Variants in ZFPM1 observed in about 807,000 individuals in gnomAD.
ZFPM1 encodes zinc finger protein, FOG family member 1, also known as zinc finger protein ZFPM1.
Under a neutral mutation model 46.3 loss-of-function variants are expected in ZFPM1, and 28 were observed. The ratio of observed to expected loss-of-function variants is 0.60; its 90% CI spans 0.45 to 0.83. The LOEUF (loss-of-function observed/expected upper bound fraction) is 0.83. ZFPM1 is among the 40% of genes least tolerant of loss of function. ZFPM1 has a pLI of 0.00. For missense variants in ZFPM1, 1,878 were observed against 1,432.4 expected (o/e 1.31, Z -5.02); for synonymous variants, 957 against 675.9 (o/e 1.42, Z -6.45).
rs767583803 is a variant in ZFPM1 at position 88,489,043 on chromosome 16, C to T, written c.158C>T (p.Pro53Leu). 7.4e-6 allele frequency: 12 copies of T among 1,612,646 alleles called. No homozygotes were observed. The East Asian group carries it at 8.9e-5, about 12-fold the overall frequency. ...PSPPSADVNS[P>L]PPLPPPTSPG... ...TTCCTCTCTGCAGATGTTAACTCACCCCCACCGCTGCCGCCCCCCACATCC... is the reference window on the plus strand; with the variant it reads ...TTCCTCTCTGCAGATGTTAACTCACTCCCACCGCTGCCGCCCCCCACATCC... Residue 53 changes from proline to leucine, a missense_variant, in exon 3 of 10, where the codon CCC becomes CTC. By Grantham distance (98) the Pro-to-Leu change is moderately conservative. Transcript: ENST00000319555.
rs1250090692 is a variant in ZFPM1 at position 88,533,709 on chromosome 16, T to C, written c.1751T>C (p.Ile584Thr). The change falls in exon 10 of 10, where the codon ATC (isoleucine) becomes ACC (threonine). Residue 584 changes from isoleucine to threonine, a missense_variant. Physicochemically the swap from Ile to Thr is moderately conservative, Grantham distance 89. Transcript: ENST00000319555. ...PKGATCFECE[I>T]TFSNVNNYYV... ...GGCGCTACGTGCTTCGAGTGCGAGA[T>C]CACCTTCAGCAACGTCAACAACTAC... 1 of 1,497,282 alleles carries C rather than the reference T, an allele frequency of 6.7e-7. No homozygotes were observed. Among genetic ancestry groups the C allele is most frequent in the Non-Finnish European group, 9.0e-7 (1 of 1,116,176 alleles). 92.7% of individuals were successfully genotyped at this position (1,497,282 alleles called of 1,614,324 possible).
intron 4 of ZFPM1, among the ~76,000 whole-genome samples, chr16:88,525,597 C>T (rs1297525756): frequency 6.6e-6 from 1 of 152,218 alleles, no homozygotes; most frequent in East Asian, 1.9e-4. Flanking sequence ...GCTTGGGGAC[C>T]ACCAGTGCAG....
In ZFPM1 at chr16:88,501,084, GC is replaced by G. The variant is rs1203883749; in HGVS notation, c.268+11934del. On this transcript the variant is annotated intron_variant, in intron 3 of 9. Coordinates refer to ENST00000319555, the MANE Select transcript of ZFPM1 (RefSeq NM_153813.3). ...GGAGGTAGCGGTCATGGATGCGGGGGCCCTCCCGCAGGTGCTGGTGATGATG... is the reference window on the plus strand; with the variant it reads ...GGAGGTAGCGGTCATGGATGCGGGGGCCTCCCGCAGGTGCTGGTGATGATG... Among the ~76,000 whole-genome samples the G allele has an allele frequency of 4.0e-5, 6 of 149,820 alleles. 1 individual carries two copies. The highest frequency in any genetic ancestry group is 2.0e-4 in the East Asian group (1 of 5,058).
At chr16:88,506,307 G>C (rs1006022310) in intron 3 of ZFPM1, among the ~76,000 whole-genome samples, 6 of 151,828 alleles carry the variant, frequency 4.0e-5, no homozygotes, top group African/African-American at 1.5e-4. Context: ...ACCAGGGCAG[G>C]GGGACCAGGG....
rs1287256736 is a variant in ZFPM1, at chr16:88,533,260, C to T, written c.1302C>T (p.Ala434=). The T allele has an allele frequency of 2.6e-6, 4 of 1,548,988 alleles. No homozygotes were observed. Among genetic ancestry groups the T allele is most frequent in the Admixed American group, 3.8e-5 (2 of 52,182 alleles). ...CAGGACTGGACAGAAAGGCCCTGGCCGAGGCCACCAACGGAGAGGCCAGAG... is the reference window on the plus strand; with the variant it reads ...CAGGACTGGACAGAAAGGCCCTGGCTGAGGCCACCAACGGAGAGGCCAGAG... ...PSPGLDRKAL[A]EATNGEARAE... Residue 434 remains alanine (A), a synonymous_variant, in exon 10 of 10, where the codon GCC becomes GCT. Transcript: ENST00000319555.
chr16:88,461,673 G>T (rs1907898105), intron 1 of ZFPM1, among the ~76,000 whole-genome samples: 1 of 152,182 alleles, frequency 6.6e-6, no homozygotes, highest in South Asian at 2.1e-4. Flanking sequence ...AGCCCTGAGG[G>T]TTGGACGTTA....
Position 88,532,607 on chromosome 16 carries a change from G to A in ZFPM1, c.947-7G>A, listed in dbSNP as rs1267051554. Reference sequence around the variant, plus strand: ...CGGGCACCGCTCTTACGCGCCCTGTGTTCCAGGAGAGCGGCCCTTCGTGTG... The same window carrying A: ...CGGGCACCGCTCTTACGCGCCCTGTATTCCAGGAGAGCGGCCCTTCGTGTG... On this transcript the variant is annotated splice_polypyrimidine_tract_variant and splice_region_variant and intron_variant, in intron 7 of 9. Transcript: ENST00000319555. 1.3e-6 allele frequency: 2 copies of A among 1,560,030 alleles called. No homozygotes were observed. The highest frequency in any genetic ancestry group is 1.7e-6 in the Non-Finnish European group (2 of 1,151,888).
intron 3 of ZFPM1, among the ~76,000 whole-genome samples, chr16:88,504,269 T>C (rs1417458327): frequency 1.3e-5 from 2 of 152,132 alleles, no homozygotes. Context: ...AAATATGTTC[T>C]GTGCAAACAG....
intron 1 of ZFPM1, among the ~76,000 whole-genome samples, chr16:88,478,212 G>A (rs892245381): frequency 1.3e-5 from 2 of 152,222 alleles, no homozygotes; most frequent in Non-Finnish European, 2.9e-5. Context: ...AGCCTGCCAC[G>A]ACTCTCTGGG....
rs1257063941 is a variant in ZFPM1, at chr16:88,528,410, A to AG, written c.712+175dup. On this transcript the variant is annotated intron_variant, in intron 6 of 9. Transcript: ENST00000319555. ...GGGTGGTCCCAAGTGCAGAACACATAGGGACAGGAGGGTCCCCAGAGCCCA... is the reference window on the plus strand; with the variant it reads ...GGGTGGTCCCAAGTGCAGAACACATAGGGGACAGGAGGGTCCCCAGAGCCCA... 1.7e-4 allele frequency among the ~76,000 whole-genome samples: 26 copies of AG among 152,170 alleles called. 1 individual carries two copies.
chr16:88,506,308 G>A (rs1231788596), intron 3 of ZFPM1, among the ~76,000 whole-genome samples: 1 of 151,806 alleles, frequency 6.6e-6, no homozygotes, highest in Non-Finnish European at 1.5e-5. Flanking sequence ...CCAGGGCAGG[G>A]GGACCAGGGT....
At chr16:88,521,086 GGTGGGTGGGTGGAT>G in intron 4 of ZFPM1, among the ~76,000 whole-genome samples, 1 of 111,778 alleles carries the variant, frequency 8.9e-6, no homozygotes, top group Non-Finnish European at 2.1e-5. Context: ...TGGATGATTA[GGTGGGTGGGTGGAT>G]GATGGACAGG....
intron 4 of ZFPM1, among the ~76,000 whole-genome samples, chr16:88,519,902 G>T (rs1221083503): frequency 2.6e-5 from 4 of 151,258 alleles, no homozygotes; most frequent in Non-Finnish European, 5.9e-5. Context: ...TAGGTAGATG[G>T]ATTGACGGCT....
chr16:88,460,922 C>G (rs796779847), intron 1 of ZFPM1, among the ~76,000 whole-genome samples: 2 of 27,194 alleles, frequency 7.4e-5, no homozygotes, highest in African/African-American at 2.3e-4. Flanking sequence ...GACCGAGGGG[C>G]GGGGCGGGAG....
intron 4 of ZFPM1, among the ~76,000 whole-genome samples, chr16:88,524,428 C>T (rs1052168320): frequency 2.0e-5 from 3 of 152,226 alleles, no homozygotes; most frequent in Non-Finnish European, 4.4e-5. Context: ...CCCTGCTCTG[C>T]GGCCCTGGGA....
intron 1 of ZFPM1, among the ~76,000 whole-genome samples, chr16:88,459,914 A>G (rs187054788): frequency 1.8e-3 from 271 of 150,652 alleles, no homozygotes; most frequent in African/African-American, 6.1e-3. Context: ...CAGCATGTGA[A>G]ACACACAGGG....
chr16:88,495,928 G>A (rs546415573), intron 3 of ZFPM1, among the ~76,000 whole-genome samples: 2 of 152,330 alleles, frequency 1.3e-5, no homozygotes, highest in South Asian at 4.1e-4. Context: ...CGCCTGTGAG[G>A]TGGGAGCTGG....
Position 88,534,673 on chromosome 16 carries a change from C to G in ZFPM1, c.2715C>G (p.Ala905=). 2 of 994,842 alleles carry G rather than the reference C, an allele frequency of 2.0e-6. No homozygotes were observed. The highest frequency in any genetic ancestry group is 2.4e-6 in the Non-Finnish European group (2 of 837,814). 61.6% of individuals were successfully genotyped at this position (994,842 alleles called of 1,614,324 possible). A position where few individuals can be genotyped will look rare whatever the true frequency, so the allele number is the denominator to read the frequency against. Residue 905 remains alanine (A), a synonymous_variant, in exon 10 of 10, where the codon GCC becomes GCG. Coordinates refer to ENST00000319555, the MANE Select transcript of ZFPM1 (RefSeq NM_153813.3). ...ACCGCGGCCCCTCGCCCGCTCCCGC[C>G]CCCGCCGCCTCCCCGCAGCCCGGGT... ...PADRGPSPAP[A]PAASPQPGSR...
chr16:88,453,626 C>A lies in ZFPM1; in HGVS notation c.-13C>A. The stretch of plus-strand genomic sequence containing the variant: ...TAGAGGCGGCCGCCGGGAGGGCGCG[C>A]GGCGCCGGAGACATGTCCAGGCGGA... On this transcript the variant is annotated 5_prime_UTR_variant, in exon 1 of 10. Coordinates refer to ENST00000319555, the MANE Select transcript of ZFPM1 (RefSeq NM_153813.3). 8.9e-7 allele frequency: 1 copy of A among 1,119,036 alleles called. No homozygotes were observed. Among genetic ancestry groups the A allele is most frequent in the Non-Finnish European group, 1.1e-6 (1 of 903,524 alleles). The allele number at this position is 1,119,036 out of a possible 1,614,324, so 69.3% of individuals were successfully genotyped here. A position where few individuals can be genotyped will look rare whatever the true frequency, so the allele number is the denominator to read the frequency against.
Sources: allele counts gnomAD v4.1 joint callset (sites outside exome capture counted in the v4.1 genomes callset), GRCh38; gene constraint gnomAD v4.1.1; transcripts MANE v1.5; gene names NCBI Gene and HGNC (gene_info 2026-07-23, HGNC 2026-07-21).